CFAP96: variants seen among roughly 807,000 people sequenced by gnomAD.
CFAP96 encodes cilia and flagella associated protein 96.
chr4:185,415,857 A>T, the CFAP96 span: 115 of 1,612,568 alleles, frequency 7.1e-5, no homozygotes, highest in South Asian at 8.5e-4. Flanking sequence ...ATCTATATTT[A>T]CTATTTGATG....
At chr4:185,425,799 C>G in the CFAP96 span, 2 of 1,574,022 alleles carry the variant, frequency 1.3e-6, no homozygotes, top group African/African-American at 1.3e-5. Context: ...CGCTGTGAAG[C>G]CCGCTCGTGG....
the CFAP96 span, among the ~76,000 whole-genome samples, chr4:185,419,854 T>C: frequency 6.6e-6 from 1 of 152,248 alleles, no homozygotes; most frequent in African/African-American, 2.4e-5. Flanking sequence ...GGCTATCATA[T>C]ATATGCTGCC....
chr4:185,425,975 C>A, the CFAP96 span: 1 of 1,284,198 alleles, frequency 7.8e-7, no homozygotes. Context: ...CCGGGCGGAC[C>A]AACTACAACT....
At chr4:185,426,840 T>A in the CFAP96 span, among the ~76,000 whole-genome samples, 4 of 133,342 alleles carry the variant, frequency 3.0e-5, no homozygotes, top group African/African-American at 1.2e-4. Context: ...GAGGCCAGCC[T>A]GGGCAAAATG....
the CFAP96 span, among the ~76,000 whole-genome samples, chr4:185,443,316 T>TTA: frequency 4.4e-5 from 3 of 68,048 alleles, no homozygotes; most frequent in African/African-American, 1.2e-4. Flanking sequence ...ATATTATTTT[T>TTA]TATGTATATA....
At chr4:185,434,633 A>C in the CFAP96 span, among the ~76,000 whole-genome samples, 4 of 152,184 alleles carry the variant, frequency 2.6e-5, no homozygotes, top group South Asian at 2.1e-4. Flanking sequence ...TCTATAATTT[A>C]GTGGATACAG....
the CFAP96 span, among the ~76,000 whole-genome samples, chr4:185,409,945 G>T: frequency 3.9e-5 from 6 of 152,194 alleles, no homozygotes; most frequent in Non-Finnish European, 8.8e-5. Context: ...TGGAGGGAAG[G>T]TGGTCCTGCT....
the CFAP96 span, chr4:185,449,495 C>G: frequency 1.4e-6 from 1 of 713,824 alleles, no homozygotes. Flanking sequence ...TGCACTCCAG[C>G]CTGGGCAACA....
chr4:185,415,443 T>C, the CFAP96 span: 16 of 1,074,848 alleles, frequency 1.5e-5, no homozygotes, highest in Admixed American at 1.0e-4. Flanking sequence ...AGTAAAAAAC[T>C]TGATTGGACC....
the CFAP96 span, among the ~76,000 whole-genome samples, chr4:185,430,625 A>G: frequency 6.6e-6 from 1 of 152,170 alleles, no homozygotes. Flanking sequence ...TAAGTTGGCC[A>G]GGTGTGGTGG....
chr4:185,409,754 G>A, the CFAP96 span, among the ~76,000 whole-genome samples: 2 of 152,232 alleles, frequency 1.3e-5, no homozygotes, highest in East Asian at 3.8e-4. Context: ...AGGATCTTAA[G>A]ATGGGGAGGT....
chr4:185,432,040 A>C, the CFAP96 span: 4 of 1,551,702 alleles, frequency 2.6e-6, no homozygotes, highest in Non-Finnish European at 3.5e-6. Flanking sequence ...GGTCCAAAGA[A>C]ATGTCAGATC....
the CFAP96 span, chr4:185,449,601 T>C: frequency 1.9e-6 from 3 of 1,541,154 alleles, no homozygotes; most frequent in African/African-American, 1.4e-5. Flanking sequence ...TTTAGGGCAC[T>C]AAATTCAAAG....
chr4:185,449,447 T>G, the CFAP96 span: 1 of 502,820 alleles, frequency 2.0e-6, no homozygotes, highest in South Asian at 3.4e-5. Context: ...CCTAAAAGCC[T>G]AGGAGGTTGA....
the CFAP96 span, among the ~76,000 whole-genome samples, chr4:185,433,396 C>CAAAAA: frequency 1.4e-4 from 4 of 27,926 alleles, no homozygotes; most frequent in African/African-American, 4.3e-4. Flanking sequence ...GACTCCATCT[C>CAAAAA]AAAAAAAAAA....
the CFAP96 span, among the ~76,000 whole-genome samples, chr4:185,427,854 G>A: frequency 6.7e-6 from 1 of 149,972 alleles, no homozygotes; most frequent in Non-Finnish European, 1.5e-5. Flanking sequence ...GGGAAGCCGA[G>A]GCAGGTGGAT....
the CFAP96 span, among the ~76,000 whole-genome samples, chr4:185,444,441 A>G: frequency 6.6e-6 from 1 of 152,210 alleles, no homozygotes. Context: ...TACAGGTTGA[A>G]AAATATTTTG....
chr4:185,442,624 G>A, the CFAP96 span, among the ~76,000 whole-genome samples: 1 of 151,792 alleles, frequency 6.6e-6, no homozygotes, highest in Admixed American at 6.6e-5. Flanking sequence ...ATTTTTTTAT[G>A]TCATGCTCAT....
At chr4:185,449,538 T>C in the CFAP96 span, 118 of 1,071,112 alleles carry the variant, frequency 1.1e-4, 1 homozygote, top group Admixed American at 4.9e-4. Flanking sequence ...AAAAAAAGAA[T>C]GTACAGGTAT....
Sources: allele counts gnomAD v4.1 joint callset (sites outside exome capture counted in the v4.1 genomes callset), GRCh38; gene constraint gnomAD v4.1.1; transcripts MANE v1.5; gene names NCBI Gene and HGNC (gene_info 2026-07-23, HGNC 2026-07-21).